SDK1: variants seen among roughly 807,000 people sequenced by gnomAD.
SDK1 encodes sidekick cell adhesion molecule 1.
Under a neutral mutation model 245.5 loss-of-function variants are expected in SDK1, and 157 were observed. The ratio of observed to expected loss-of-function variants is 0.64; its 90% CI spans 0.56 to 0.73. The LOEUF is 0.73. Among genes scored for constraint, SDK1 ranks in the 30% least tolerant of loss-of-function variants. The pLI is 0.00. For missense variants in SDK1, 3,583 were observed against 3,002.3 expected, an observed-to-expected ratio of 1.19 and a Z score of -4.52; for synonymous variants, 1,647 against 1,278.5, an observed-to-expected ratio of 1.29 and a Z score of -6.15.
chr7:3,388,801 G>A (rs1781673851), intron 1 of SDK1, among the ~76,000 whole-genome samples: 1 of 152,136 alleles, frequency 6.6e-6, no homozygotes, highest in South Asian at 2.1e-4. Flanking sequence ...AAGTCAACGT[G>A]TGTTTATCGA....
At chr7:3,348,559 A>C (rs190455600) in intron 1 of SDK1, among the ~76,000 whole-genome samples, 79 of 152,272 alleles carry the variant, frequency 5.2e-4, no homozygotes, top group African/African-American at 1.8e-3. Context: ...AGCGGGAGGG[A>C]GGAAGACGCA....
chr7:4,224,704 A>G (rs187947499), intron 40 of SDK1, among the ~76,000 whole-genome samples: 10 of 152,210 alleles, frequency 6.6e-5, no homozygotes, highest in African/African-American at 2.4e-4. Context: ...CATGGTGCCG[A>G]GAGCAGATTA....
intron 25 of SDK1, among the ~76,000 whole-genome samples, chr7:4,126,330 T>A (rs1419899419): frequency 6.6e-6 from 1 of 152,256 alleles, no homozygotes; most frequent in Non-Finnish European, 1.5e-5. Context: ...TTTCACTGCT[T>A]TTATACATAT....
intron 1 of SDK1, among the ~76,000 whole-genome samples, chr7:3,429,392 G>T (rs941333602): frequency 6.6e-6 from 1 of 152,186 alleles, no homozygotes; most frequent in South Asian, 2.1e-4. Flanking sequence ...ATAGAGTTGG[G>T]TTTTTTGTTG....
intron 40 of SDK1, chr7:4,227,558 G>C: frequency 2.4e-6 from 1 of 425,216 alleles, no homozygotes; most frequent in Non-Finnish European, 4.8e-6. Context: ...CAACTGACAG[G>C]CTTGCATTTG....
chr7:3,447,371 TTGTAGGG>T (rs1434431282), intron 1 of SDK1, among the ~76,000 whole-genome samples: 3 of 152,128 alleles, frequency 2.0e-5, no homozygotes, highest in Non-Finnish European at 2.9e-5. Context: ...GATGTTAACA[TTGTAGGG>T]TGTATCTCTT....
At chr7:4,083,745 C>CTTTACTTCCTCCCTCCCTCCCTT (rs1562785267) in intron 22 of SDK1, among the ~76,000 whole-genome samples, 120 of 7,216 alleles carry the variant, frequency 0.017, 1 homozygote, top group South Asian at 0.046. Context: ...TCCCTCCCTT[C>CTTTACTTCCTCCCTCCCTCCCTT]CTTTACTTCC....
intron 14 of SDK1, among the ~76,000 whole-genome samples, chr7:4,001,919 T>A (rs1425291826): frequency 6.6e-6 from 1 of 152,216 alleles, no homozygotes; most frequent in Non-Finnish European, 1.5e-5. Context: ...CTCACAATGT[T>A]CTTTTCAAAT....
intron 43 of SDK1, among the ~76,000 whole-genome samples, chr7:4,244,911 T>A (rs1213069131): frequency 6.6e-6 from 1 of 152,218 alleles, no homozygotes; most frequent in Non-Finnish European, 1.5e-5. Context: ...CTCCAGGGGC[T>A]GTTCACAACA....
At chr7:3,472,803 G>A (rs1033843748) in intron 1 of SDK1, among the ~76,000 whole-genome samples, 1 of 152,164 alleles carries the variant, frequency 6.6e-6, no homozygotes, top group African/African-American at 2.4e-5. Flanking sequence ...GAGAACATAG[G>A]GTAACAGCAA....
intron 40 of SDK1, chr7:4,227,205 C>G (rs753465213): frequency 1.0e-4 from 33 of 316,420 alleles, no homozygotes; most frequent in Admixed American, 1.3e-4. Context: ...GCAGGTTCAG[C>G]AAGAGGGGGC....
chr7:3,511,775 C>T (rs1782587478), intron 1 of SDK1, among the ~76,000 whole-genome samples: 1 of 149,128 alleles, frequency 6.7e-6, no homozygotes, highest in Non-Finnish European at 1.5e-5. Flanking sequence ...CATTCTTAGG[C>T]AGCCACTGTT....
chr7:3,378,995 TCTCGTTAATTA>T (rs1165425267), intron 1 of SDK1, among the ~76,000 whole-genome samples: 5 of 152,012 alleles, frequency 3.3e-5, no homozygotes, highest in Non-Finnish European at 7.4e-5. Context: ...TCTTCCAGCT[TCTCGTTAATTA>T]CTTGGCCAAT....
intron 1 of SDK1, among the ~76,000 whole-genome samples, chr7:3,563,559 C>T (rs1234097206): frequency 6.6e-6 from 1 of 152,054 alleles, no homozygotes; most frequent in Non-Finnish European, 1.5e-5. Flanking sequence ...GAAAATATAT[C>T]CAGCAACAAT....
At chr7:3,454,615 G>T (rs1225768277) in intron 1 of SDK1, among the ~76,000 whole-genome samples, 3 of 152,060 alleles carry the variant, frequency 2.0e-5, no homozygotes, top group Admixed American at 2.0e-4. Flanking sequence ...TAACCTTTTG[G>T]GATTTGCTGC....
At chr7:3,597,509 A>G (rs1164404497) in intron 1 of SDK1, among the ~76,000 whole-genome samples, 1 of 152,166 alleles carries the variant, frequency 6.6e-6, no homozygotes. Context: ...CCTGTTGGTT[A>G]CTTCAGGTTG....
chr7:3,394,965 C>G (rs945942840), intron 1 of SDK1, among the ~76,000 whole-genome samples: 3 of 151,826 alleles, frequency 2.0e-5, no homozygotes, highest in African/African-American at 7.3e-5. Flanking sequence ...ACAGTTTTAC[C>G]ACTTTCTTTA....
At chr7:3,920,087 G>T (rs1001438421) in intron 5 of SDK1, among the ~76,000 whole-genome samples, 1 of 152,184 alleles carries the variant, frequency 6.6e-6, no homozygotes, top group African/African-American at 2.4e-5. Context: ...ACGTGCAGGG[G>T]CACTGAGACA....
At chr7:3,624,352 G>A (rs1782045476) in intron 2 of SDK1, among the ~76,000 whole-genome samples, 1 of 152,068 alleles carries the variant, frequency 6.6e-6, no homozygotes, top group South Asian at 2.1e-4. Flanking sequence ...GGACCCACCA[G>A]CACACCTGGC....
Sources: gnomAD v4.1 joint callset for allele counts (sites outside exome capture counted in the v4.1 genomes callset) on GRCh38, gnomAD v4.1.1 for gene constraint, MANE v1.5 for transcripts, NCBI Gene and HGNC (gene_info 2026-07-23, HGNC 2026-07-21) for gene names.